DOP1B: variants seen among roughly 807,000 people sequenced by gnomAD.
DOP1B encodes DOP1 leucine zipper like protein B.
DOP1B carries 174 observed loss-of-function variants against 233.5 expected under a neutral mutation model. The observed-to-expected ratio is 0.75, with a 90% CI of 0.66 to 0.85. DOP1B has a LOEUF of 0.85. DOP1B is among the 40% of genes least tolerant of loss of function. The pLI is 0.00. For missense variants in DOP1B, 2,652 were observed against 2,846.6 expected (o/e 0.93, Z 1.56); for synonymous variants, 1,190 against 1,185.6 (o/e 1.00, Z -0.08).
intron 2 of DOP1B, among the ~76,000 whole-genome samples, chr21:36,195,374 CA>C (rs376644260): frequency 4.5e-5 from 6 of 133,180 alleles, no homozygotes; most frequent in African/African-American, 8.3e-5. Flanking sequence ...CCCCCCAAAA[CA>C]AAAAAAAAAT....
rs1290154851 is a variant in DOP1B, at chr21:36,232,883, G to A, written c.2430G>A (p.Gln810=). The change falls in exon 15 of 37, where the codon CAG becomes CAA. Residue 810 remains glutamine, a synonymous_variant. Transcript: ENST00000691173. ...ICCCVTDCYL[Q]NVAISTLLEV... ...GCTGTGTGACTGACTGCTACCTCCA[G>A]AACGTGGCCATTTCCACTCTGCTGG... The A allele has an allele frequency of 2.5e-6, 4 of 1,613,754 alleles. No individual in the cohort carries two copies. The highest frequency in any genetic ancestry group is 3.4e-6 in the Non-Finnish European group (4 of 1,179,990).
chr21:36,280,761 TG>T (rs1357308014), intron 31 of DOP1B, among the ~76,000 whole-genome samples: 1 of 152,042 alleles, frequency 6.6e-6, no homozygotes, highest in Non-Finnish European at 1.5e-5. Flanking sequence ...CCCAGCACTT[TG>T]GGAGGCTGAG....
intron 1 of DOP1B, among the ~76,000 whole-genome samples, chr21:36,157,841 C>T (rs1006306047): frequency 9.2e-5 from 14 of 152,284 alleles, no homozygotes; most frequent in African/African-American, 3.4e-4. Flanking sequence ...GTGGTAGGGT[C>T]ACTGTCCTCA....
chr21:36,246,948 C>T lies in DOP1B; in HGVS notation c.4697+271C>T, dbSNP rs2066973741. Among the ~76,000 whole-genome samples the T allele has an allele frequency of 6.6e-6, 1 of 152,138 alleles. No individual in the cohort carries two copies. On this transcript the variant is annotated intron_variant, in intron 19 of 36. Coordinates refer to ENST00000691173, the MANE Select transcript of DOP1B (RefSeq NM_001320714.2). The surrounding 1 kb of genome is among the most constrained non-coding windows in gnomAD (Gnocchi z 5.1). Reference sequence around the variant, plus strand: ...AGGCTGGAGTGCAGTGGCATGACCTCAGCTCACTGCAACCTCTGCCTCCCA... The same window carrying T: ...AGGCTGGAGTGCAGTGGCATGACCTTAGCTCACTGCAACCTCTGCCTCCCA...
rs58401743 is a variant in DOP1B, at chr21:36,246,843, A to ATTATGTTATGTTATG, written c.4697+206_4697+220dup. 0.013 allele frequency among the ~76,000 whole-genome samples: 1,842 copies of ATTATGTTATGTTATG among 147,000 alleles called. 19 individuals carry two copies. The highest frequency in any genetic ancestry group is 0.029 in the African/African-American group (1,161 of 39,390). Reference sequence around the variant, plus strand: ...AACAAGCAACTAAATGTTCTGATCCATTATGTTATGTTATGTTATGTTATG... The same window carrying ATTATGTTATGTTATG: ...AACAAGCAACTAAATGTTCTGATCCATTATGTTATGTTATGTTATGTTATGTTATGTTATGTTATG... On this transcript the variant is annotated intron_variant, in intron 19 of 36. Coordinates refer to ENST00000691173, the MANE Select transcript of DOP1B (RefSeq NM_001320714.2). This position sits in a 1 kb window ranked among gnomAD's most constrained non-coding sequence, Gnocchi z 5.1.
chr21:36,253,918 C>T lies in DOP1B; in HGVS notation c.5259+9C>T, dbSNP rs1370107107. On this transcript the variant is annotated intron_variant, in intron 23 of 36. Transcript: ENST00000691173. ...TCAAAGGGGGTGATGAGGTGAGGAGCCTGGGGAAGCCTCTGGGCTTCTGCA... is the reference window on the plus strand; with the variant it reads ...TCAAAGGGGGTGATGAGGTGAGGAGTCTGGGGAAGCCTCTGGGCTTCTGCA... 22 of 1,611,922 alleles carry T rather than the reference C, an allele frequency of 1.4e-5. No homozygotes were observed. The highest frequency in any genetic ancestry group is 1.7e-5 in the Non-Finnish European group (20 of 1,178,916).
chr21:36,210,630 G>A (rs1259742416), intron 5 of DOP1B, among the ~76,000 whole-genome samples: 5 of 152,240 alleles, frequency 3.3e-5, no homozygotes, highest in Admixed American at 2.6e-4. Flanking sequence ...GGGTGTCAAA[G>A]CGAGACTCTG....
chr21:36,280,717 T>C lies in DOP1B; in HGVS notation c.6031+371T>C, dbSNP rs116254947. Among the ~76,000 whole-genome samples the C allele has an allele frequency of 9.8e-3, 1,488 of 152,202 alleles. 21 individuals carry two copies. Among genetic ancestry groups the C allele is most frequent in the African/African-American group, 0.034 (1,411 of 41,530 alleles). The stretch of plus-strand genomic sequence containing the variant: ...CATTAAGTATCATTAAAGAAATAAG[T>C]ATTGGGCTGGGCACGGTGGCTCACG... On this transcript the variant is annotated intron_variant, in intron 31 of 36. Transcript: ENST00000691173.
chr21:36,244,297 C>T (rs561207626), intron 18 of DOP1B, among the ~76,000 whole-genome samples: 2 of 152,174 alleles, frequency 1.3e-5, no homozygotes, highest in South Asian at 2.1e-4. Flanking sequence ...GCTGGGATTA[C>T]AGGCATGAGC....
intron 26 of DOP1B, among the ~76,000 whole-genome samples, chr21:36,268,291 C>T (rs1057513447): frequency 2.6e-5 from 4 of 152,136 alleles, no homozygotes; most frequent in South Asian, 2.1e-4. Flanking sequence ...AAGAATTTAG[C>T]GATATCTTCC....
At chr21:36,277,576 C>A (rs916401169) in intron 28 of DOP1B, among the ~76,000 whole-genome samples, 1 of 152,088 alleles carries the variant, frequency 6.6e-6, no homozygotes, top group Non-Finnish European at 1.5e-5. Context: ...CCACCGCTCC[C>A]AGCCATAACT....
chr21:36,214,047 C>A, intron 7 of DOP1B, 34 bp from the exon 8 acceptor site: 1 of 1,497,342 alleles, frequency 6.7e-7, no homozygotes, highest in Non-Finnish European at 9.2e-7. Flanking sequence ...AAAAGCACAG[C>A]TCTCTTTACA....
chr21:36,187,118 G>T (rs547574236), intron 2 of DOP1B, among the ~76,000 whole-genome samples: 2 of 144,810 alleles, frequency 1.4e-5, no homozygotes, highest in South Asian at 4.4e-4. Context: ...ACGGTGAGTG[G>T]GTGCCAGCCA....
chr21:36,199,706 G>A (rs1000091108), intron 3 of DOP1B, among the ~76,000 whole-genome samples: 4 of 151,996 alleles, frequency 2.6e-5, no homozygotes, highest in South Asian at 2.1e-4. Flanking sequence ...TTGTCCTTGC[G>A]ATAGTTTGCT....
rs192369449 is a variant in DOP1B, at chr21:36,238,825, G to C, written c.2876+124G>C. The stretch of plus-strand genomic sequence containing the variant: ...GTTGAAAACATGAACCCATATGACC[G>C]GGTGTGGTGGCTCACGCCTGTAATC... On this transcript the variant is annotated intron_variant, in intron 17 of 36. Transcript: ENST00000691173. 1.3e-4 allele frequency: 117 copies of C among 899,454 alleles called. No individual in the cohort carries two copies. The African/African-American group carries it at 1.7e-3, about 13-fold the overall frequency. The allele number at this position is 899,454 out of a possible 1,614,324, so 55.7% of individuals were successfully genotyped here.
intron 27 of DOP1B, among the ~76,000 whole-genome samples, chr21:36,271,319 G>A (rs894139047): frequency 6.6e-6 from 1 of 151,742 alleles, no homozygotes; most frequent in African/African-American, 2.4e-5. Context: ...GTTCACCCAG[G>A]TTGGAGTGCA....
intron 21 of DOP1B, among the ~76,000 whole-genome samples, chr21:36,250,560 C>G (rs955207259): frequency 6.6e-6 from 1 of 152,016 alleles, no homozygotes; most frequent in Admixed American, 6.6e-5. Flanking sequence ...GCTGAGAGAG[C>G]GGTAGGATTT....
intron 32 of DOP1B, among the ~76,000 whole-genome samples, chr21:36,285,025 G>A (rs1382068850): frequency 3.9e-5 from 6 of 151,920 alleles, no homozygotes; most frequent in Non-Finnish European, 8.8e-5. Flanking sequence ...TGAAAATGGA[G>A]GTAGGTTTTG....
In DOP1B at chr21:36,157,533, A is replaced by C. The variant is rs2065830899; in HGVS notation, c.-27+590A>C. Among the ~76,000 whole-genome samples, 4 of 152,304 alleles carry C rather than the reference A, an allele frequency of 2.6e-5. No individual in the cohort carries two copies. In the South Asian group the frequency reaches 8.3e-4, roughly 32 times the overall value. On this transcript the variant is annotated intron_variant, in intron 1 of 36. Coordinates refer to ENST00000691173, the MANE Select transcript of DOP1B (RefSeq NM_001320714.2). ...GCTGCTCGCGGGGACTGTTACCCGC[A>C]GTGTTGCCTTACACTCGCGACTGCA...
Sources: allele counts gnomAD v4.1 joint callset (sites outside exome capture counted in the v4.1 genomes callset), GRCh38; gene constraint gnomAD v4.1.1; non-coding constraint Gnocchi (gnomAD v3.1); transcripts MANE v1.5; gene names NCBI Gene and HGNC (gene_info 2026-07-23, HGNC 2026-07-21).